Variants in UPP2 observed in about 807,000 individuals in gnomAD.
The protein encoded by UPP2 is uridine phosphorylase 2, also known as UPase 2.
A neutral mutation model predicts 26.7 loss-of-function variants in UPP2; 23 were observed. That is an observed-to-expected ratio of 0.86 (90% CI 0.62 to 1.22). The LOEUF (loss-of-function observed/expected upper bound fraction) is 1.22, where lower values mean the gene tolerates loss of function less well. UPP2 is among the 50% of genes most tolerant of loss of function. The pLI is 0.00. For synonymous variants in UPP2, 127 were observed against 141.3 expected (o/e 0.90, Z 0.72); for missense variants, 387 against 396.7 (o/e 0.98, Z 0.21).
chr2:158,105,471 G>A (rs921997339), intron 1 of UPP2, among the ~76,000 whole-genome samples: 9 of 152,212 alleles, frequency 5.9e-5, no homozygotes, highest in African/African-American at 2.2e-4. Context: ...CAGGACCAAT[G>A]AGGAGCTTGC....
chr2:158,028,395 T>G (rs1683869130), intron 3 of UPP2, among the ~76,000 whole-genome samples: 1 of 151,898 alleles, frequency 6.6e-6, no homozygotes, highest in Non-Finnish European at 1.5e-5. Flanking sequence ...ATAACAAGAG[T>G]CACCTTTGCT....
At chr2:158,053,647 G>A (rs1682194337) in intron 3 of UPP2, among the ~76,000 whole-genome samples, 2 of 152,154 alleles carry the variant, frequency 1.3e-5, no homozygotes, top group Admixed American at 6.5e-5. Context: ...CCATACAGTA[G>A]CTACTTGACC....
intron 3 of UPP2, among the ~76,000 whole-genome samples, chr2:158,054,539 T>G (rs1200617225): frequency 6.6e-6 from 1 of 152,160 alleles, no homozygotes; most frequent in Non-Finnish European, 1.5e-5. Context: ...CTGAAATTTC[T>G]GTAGTGGGAC....
At chr2:158,131,995 G>A (rs1398483564) in intron 6 of UPP2, among the ~76,000 whole-genome samples, 1 of 152,106 alleles carries the variant, frequency 6.6e-6, no homozygotes, top group Non-Finnish European at 1.5e-5. Context: ...TAGAGCACTG[G>A]TTTCCTTTTA....
chr2:158,104,703 C>T (rs1375354101), intron 1 of UPP2, among the ~76,000 whole-genome samples: 1 of 151,984 alleles, frequency 6.6e-6, no homozygotes, highest in Non-Finnish European at 1.5e-5. Context: ...GGGTGGATCG[C>T]TTGAGGTCAG....
rs140850350 is a variant in UPP2, at chr2:158,034,688, A to G, written c.147+18802A>G. Among the ~76,000 whole-genome samples, 13 of 152,326 alleles carry G rather than the reference A, an allele frequency of 8.5e-5. No homozygotes were observed. In the East Asian group the frequency reaches 2.5e-3, roughly 29 times the overall value. ...AATCTGGACTAATTACGCATAGTGA[A>G]TGAAAAGGAAGAGATTGTTTGGCAC... On this transcript the variant is annotated intron_variant, in intron 3 of 9. Coordinates refer to the UPP2 transcript ENST00000605860.
chr2:158,094,904 A>G (rs981744939), intron 3 of UPP2, among the ~76,000 whole-genome samples: 3 of 152,146 alleles, frequency 2.0e-5, no homozygotes, highest in Non-Finnish European at 2.9e-5. Context: ...TGATTTCCCA[A>G]TGTACTTCAT....
intron 3 of UPP2, among the ~76,000 whole-genome samples, chr2:158,057,995 TATAAGA>T (rs1394886526): frequency 1.3e-5 from 2 of 152,040 alleles, no homozygotes. Context: ...GTGTGCTTCT[TATAAGA>T]ATAAGAAGGG....
At chr2:158,077,264 C>T (rs1682644710) in intron 3 of UPP2, among the ~76,000 whole-genome samples, 1 of 152,024 alleles carries the variant, frequency 6.6e-6, no homozygotes, top group African/African-American at 2.4e-5. Flanking sequence ...ATACCAATGA[C>T]ATTCTTCACA....
At chr2:158,041,812 C>T (rs76537628) in intron 3 of UPP2, among the ~76,000 whole-genome samples, 1 of 152,158 alleles carries the variant, frequency 6.6e-6, no homozygotes, top group Admixed American at 6.5e-5. Context: ...TAAATGAGTT[C>T]CCTCTCCCAC....
At chr2:158,047,049 A>G (rs1022776857) in intron 3 of UPP2, among the ~76,000 whole-genome samples, 37 of 152,196 alleles carry the variant, frequency 2.4e-4, no homozygotes, top group African/African-American at 8.4e-4. Context: ...ATAAATAGAG[A>G]AATCAGCTAT....
intron 3 of UPP2, among the ~76,000 whole-genome samples, chr2:158,041,530 A>T (rs1574259353): frequency 6.6e-6 from 1 of 152,164 alleles, no homozygotes; most frequent in African/African-American, 2.4e-5. Flanking sequence ...GTCCTCATCC[A>T]AGTTGGATGA....
At chr2:158,006,095 A>G (rs1683482750) in intron 2 of UPP2, among the ~76,000 whole-genome samples, 1 of 152,188 alleles carries the variant, frequency 6.6e-6, no homozygotes, top group Admixed American at 6.5e-5. Context: ...AGTAGAGGAG[A>G]GTTCAGCCTA....
chr2:158,111,166 C>G (rs1683311785), intron 2 of UPP2, among the ~76,000 whole-genome samples: 1 of 152,058 alleles, frequency 6.6e-6, no homozygotes, highest in Non-Finnish European at 1.5e-5. Flanking sequence ...CTTGCCGATT[C>G]CCTTTCCATA....
intron 3 of UPP2, among the ~76,000 whole-genome samples, chr2:158,041,313 T>C (rs1684078787): frequency 6.6e-6 from 1 of 152,246 alleles, no homozygotes; most frequent in Non-Finnish European, 1.5e-5. Flanking sequence ...CAATTGCTAA[T>C]TTTAGAATCA....
In UPP2 at chr2:158,033,439, A is replaced by T. The variant is rs114177171; in HGVS notation, c.147+17553A>T. 8.2e-3 allele frequency among the ~76,000 whole-genome samples: 1,246 copies of T among 152,158 alleles called. 16 individuals carry two copies. The highest frequency in any genetic ancestry group is 0.029 in the African/African-American group (1,184 of 41,518). Reference sequence around the variant, plus strand: ...GGGTGCTCTTATGACTGCAGATGGGATGGGTGGTTCCAGGAGGGAATGCTG... The same window carrying T: ...GGGTGCTCTTATGACTGCAGATGGGTTGGGTGGTTCCAGGAGGGAATGCTG... On this transcript the variant is annotated intron_variant, in intron 3 of 9. Transcript: ENST00000605860.
At chr2:158,090,759 G>A (rs77788452) in intron 3 of UPP2, among the ~76,000 whole-genome samples, 15,041 of 152,198 alleles carry the variant, frequency 0.099, 1,007 homozygotes, top group African/African-American at 0.19. Flanking sequence ...AGGAATAAAA[G>A]AGATAACCCC....
At chr2:158,087,526 C>T (rs374463387) in intron 3 of UPP2, among the ~76,000 whole-genome samples, 56 of 152,048 alleles carry the variant, frequency 3.7e-4, no homozygotes, top group Admixed American at 8.5e-4. Context: ...CTATTCATCA[C>T]GCTATTTGTT....
chr2:158,094,503 T>C (rs950280021), intron 3 of UPP2, among the ~76,000 whole-genome samples: 7 of 152,172 alleles, frequency 4.6e-5, no homozygotes, highest in African/African-American at 1.7e-4. Context: ...ATGCCTAAGG[T>C]GAAGCATTTA....
Sources: allele counts gnomAD v4.1 joint callset (sites outside exome capture counted in the v4.1 genomes callset), GRCh38; gene constraint gnomAD v4.1.1; transcripts MANE v1.5; gene names NCBI Gene and HGNC (gene_info 2026-07-23, HGNC 2026-07-21).